The following MGAT4C variants were observed in gnomAD, a reference collection of about 807,000 sequenced individuals.
MGAT4C encodes the protein MGAT4 family member C, also known as alpha-1,3-mannosyl-glycoprotein 4-beta-N-acetylglucosaminyltransferase C.
A neutral mutation model predicts 40.1 loss-of-function variants in MGAT4C; 19 were observed. The ratio of observed to expected loss-of-function variants is 0.47; its 90% CI spans 0.33 to 0.70. The LOEUF is 0.70. Among genes scored for constraint, MGAT4C ranks in the 30% least tolerant of loss-of-function variants. The pLI is 0.02. For missense variants in MGAT4C, 491 were observed against 563.2 expected (o/e 0.87, Z 1.30); for synonymous variants, 181 against 187.1 (o/e 0.97, Z 0.27).
intron 2 of MGAT4C, among the ~76,000 whole-genome samples, chr12:86,586,176 C>T (rs999030788): frequency 2.9e-5 from 4 of 140,200 alleles, no homozygotes; most frequent in Non-Finnish European, 4.6e-5. Flanking sequence ...GTTTAATTCC[C>T]ACCTATGAGT....
chr12:86,468,692 G>A (rs756174295), intron 2 of MGAT4C, among the ~76,000 whole-genome samples: 5 of 151,774 alleles, frequency 3.3e-5, no homozygotes, highest in Admixed American at 6.6e-5. Flanking sequence ...CCCCTTCCTC[G>A]GTTCTAACCA....
chr12:86,186,756 G>A (rs370645577), intron 1 of MGAT4C, among the ~76,000 whole-genome samples: 1 of 152,100 alleles, frequency 6.6e-6, no homozygotes, highest in Non-Finnish European at 1.5e-5. Context: ...AGCTTATCAT[G>A]AGTAGAGTCT....
In MGAT4C at chr12:86,627,934, T is replaced by C. The variant is rs1195661302; in HGVS notation, c.-229+99275A>G. On this transcript the variant is annotated intron_variant, in intron 2 of 7. Coordinates refer to the MGAT4C transcript ENST00000548651. The stretch of plus-strand genomic sequence containing the variant: ...GAAGTAGGCTTCAGAAAGTCAGTAA[T>C]AACAAACTTCCCTGAGCTAAAGGAG... Among the ~76,000 whole-genome samples the C allele has an allele frequency of 5.3e-5, 8 of 151,086 alleles. No individual in the cohort carries two copies. The South Asian group carries it at 1.7e-3, about 32-fold the overall frequency.
At chr12:86,738,545 G>T (rs1951019005) in intron 1 of MGAT4C, among the ~76,000 whole-genome samples, 1 of 151,212 alleles carries the variant, frequency 6.6e-6, no homozygotes, top group African/African-American at 2.4e-5. Flanking sequence ...TTTGTTAAAT[G>T]AATCATGCCA....
intron 1 of MGAT4C, among the ~76,000 whole-genome samples, chr12:86,070,672 T>C (rs1015431405): frequency 6.6e-6 from 1 of 152,020 alleles, no homozygotes; most frequent in Non-Finnish European, 1.5e-5. Flanking sequence ...TCTAAAGATA[T>C]TTCTAGAAGG....
At chr12:86,443,845 C>G (rs555199234) in intron 2 of MGAT4C, among the ~76,000 whole-genome samples, 1 of 152,118 alleles carries the variant, frequency 6.6e-6, no homozygotes, top group East Asian at 1.9e-4. Flanking sequence ...GCGCCCGCCT[C>G]GGCTTCCCAA....
intron 3 of MGAT4C, among the ~76,000 whole-genome samples, chr12:86,424,433 T>C (rs1956887547): frequency 6.6e-6 from 1 of 152,170 alleles, no homozygotes; most frequent in Non-Finnish European, 1.5e-5. Flanking sequence ...TTTCTTTTGA[T>C]GTGAAAAAAT....
At chr12:86,660,086 C>G (rs535160554) in intron 2 of MGAT4C, among the ~76,000 whole-genome samples, 2 of 151,974 alleles carry the variant, frequency 1.3e-5, no homozygotes, top group South Asian at 4.2e-4. Flanking sequence ...TTTAACAGAT[C>G]AGACAATGCA....
chr12:86,280,057 C>T (rs1340970586), intron 4 of MGAT4C, among the ~76,000 whole-genome samples: 1 of 152,036 alleles, frequency 6.6e-6, no homozygotes, highest in African/African-American at 2.4e-5. Flanking sequence ...TATGGTCTAA[C>T]ATTGAGAATG....
At chr12:86,296,689 G>A (rs1953687982) in intron 4 of MGAT4C, among the ~76,000 whole-genome samples, 6 of 152,326 alleles carry the variant, frequency 3.9e-5, no homozygotes, top group African/African-American at 2.4e-5. Context: ...GCCGGCCAGC[G>A]GCTCCGAGTG....
chr12:86,404,573 G>A (rs1169249489), intron 3 of MGAT4C, among the ~76,000 whole-genome samples: 1 of 152,100 alleles, frequency 6.6e-6, no homozygotes, highest in Non-Finnish European at 1.5e-5. Flanking sequence ...AAAGGCATAA[G>A]AGCTCTTTAT....
chr12:86,122,906 T>A (rs1879634888), intron 1 of MGAT4C, among the ~76,000 whole-genome samples: 1 of 152,110 alleles, frequency 6.6e-6, no homozygotes, highest in Non-Finnish European at 1.5e-5. Flanking sequence ...TTCTAAGTAA[T>A]TAATTATAAA....
At chr12:86,701,218 T>G (rs950862373) in intron 2 of MGAT4C, among the ~76,000 whole-genome samples, 2 of 152,128 alleles carry the variant, frequency 1.3e-5, no homozygotes, top group African/African-American at 2.4e-5. Context: ...ACACTTCACT[T>G]CACTTGTAGA....
At chr12:86,327,046 A>G (rs949598213) in intron 4 of MGAT4C, among the ~76,000 whole-genome samples, 5 of 152,192 alleles carry the variant, frequency 3.3e-5, no homozygotes, top group Admixed American at 2.6e-4. Flanking sequence ...CTATATCTTT[A>G]TAATTAGTTA....
intron 2 of MGAT4C, among the ~76,000 whole-genome samples, chr12:86,012,781 C>CA (rs763608266): frequency 0.058 from 5,700 of 97,492 alleles, 112 homozygotes; most frequent in Middle Eastern, 0.082. Flanking sequence ...CAACAACAAC[C>CA]ACCACCACCA....
chr12:86,198,206 A>C (rs1949897954), intron 1 of MGAT4C, among the ~76,000 whole-genome samples: 1 of 152,202 alleles, frequency 6.6e-6, no homozygotes, highest in South Asian at 2.1e-4. Flanking sequence ...ATTTAACTTG[A>C]ATACACAGTC....
At chr12:86,051,293 T>A (rs1048547520) in intron 1 of MGAT4C, among the ~76,000 whole-genome samples, 2 of 151,988 alleles carry the variant, frequency 1.3e-5, no homozygotes, top group African/African-American at 4.8e-5. Context: ...TTTAACAGGA[T>A]CTGATTTTTT....
intron 3 of MGAT4C, among the ~76,000 whole-genome samples, chr12:86,415,696 A>G (rs1956696124): frequency 6.6e-6 from 1 of 152,056 alleles, no homozygotes; most frequent in African/African-American, 2.4e-5. Context: ...CAAAACCTTG[A>G]AATAGGGAAT....
intron 1 of MGAT4C, among the ~76,000 whole-genome samples, chr12:86,774,340 TGTCTCTCTCTCTCCCCTC>T (rs1951707635): frequency 2.5e-5 from 2 of 80,880 alleles, no homozygotes; most frequent in Admixed American, 1.3e-4. Flanking sequence ...TCTTTCTTTC[TGTCTCTCTCTCTCCCCTC>T]TCTCTCTCTC....
Sources: allele counts gnomAD v4.1 joint callset (sites outside exome capture counted in the v4.1 genomes callset), GRCh38; gene constraint gnomAD v4.1.1; transcripts MANE v1.5; gene names NCBI Gene and HGNC (gene_info 2026-07-23, HGNC 2026-07-21).